Variants in HS6ST3 observed in about 807,000 individuals in gnomAD.
HS6ST3 encodes the protein heparan-sulfate 6-O-sulfotransferase 3.
A neutral mutation model predicts 36.7 loss-of-function variants in HS6ST3; 12 were observed. That is an observed-to-expected ratio of 0.33 (90% CI 0.21 to 0.53). The LOEUF is 0.53. Among genes scored for constraint, HS6ST3 ranks in the 20% least tolerant of loss-of-function variants. The pLI is 0.95. For missense variants in HS6ST3, 584 were observed against 640.9 expected (o/e 0.91, Z 0.96); for synonymous variants, 240 against 257.5 (o/e 0.93, Z 0.65).
intron 1 of HS6ST3, among the ~76,000 whole-genome samples, chr13:96,125,385 C>G (rs2053945571): frequency 6.6e-6 from 1 of 152,132 alleles, no homozygotes; most frequent in Non-Finnish European, 1.5e-5. Flanking sequence ...AAACTTTTAA[C>G]TGGCACAAAA....
chr13:96,124,090 AT>A (rs1052866198), intron 1 of HS6ST3, among the ~76,000 whole-genome samples: 5 of 152,180 alleles, frequency 3.3e-5, no homozygotes, highest in African/African-American at 1.2e-4. Flanking sequence ...TAGCGCTCAT[AT>A]TTTTTCATAT....
At chr13:96,351,495 A>G (rs1208718909) in intron 1 of HS6ST3, among the ~76,000 whole-genome samples, 2 of 151,998 alleles carry the variant, frequency 1.3e-5, no homozygotes, top group Non-Finnish European at 2.9e-5. Flanking sequence ...TATGTTTTGT[A>G]GAGACAGGGT....
At position 96,272,794 on chromosome 13, in the gene HS6ST3, A is replaced by G. The variant is rs142645563; in HGVS notation, c.707+181225A>G. Among the ~76,000 whole-genome samples the G allele has an allele frequency of 1.8e-4, 27 of 152,064 alleles. No homozygotes were observed. In the South Asian group the frequency reaches 2.3e-3, roughly 13 times the overall value. On this transcript the variant is annotated intron_variant, in intron 1 of 1. Transcript: ENST00000376705. ...TTAGTAGGTCTTACCAGGTGAGTGA[A>G]CCATACCTTGGGGATATTAACTCTG...
At chr13:96,676,229 G>C (rs1273128228) in intron 1 of HS6ST3, among the ~76,000 whole-genome samples, 1 of 152,052 alleles carries the variant, frequency 6.6e-6, no homozygotes. Context: ...CTCTCTCCTT[G>C]GTGTGTAGAT....
chr13:96,471,437 T>C (rs1306427591), intron 1 of HS6ST3, among the ~76,000 whole-genome samples: 1 of 152,124 alleles, frequency 6.6e-6, no homozygotes, highest in Non-Finnish European at 1.5e-5. Flanking sequence ...GGTTGCACCT[T>C]GAGGGTGTTA....
At chr13:96,406,958 A>G (rs1411799439) in intron 1 of HS6ST3, among the ~76,000 whole-genome samples, 1 of 152,192 alleles carries the variant, frequency 6.6e-6, no homozygotes, top group Non-Finnish European at 1.5e-5. Flanking sequence ...TTTGGAATAT[A>G]ATTTAATGTT....
Position 96,838,575 on chromosome 13 carries a change from G to A in HS6ST3, c.*5377G>A, listed in dbSNP as rs531941344. On this transcript the variant is annotated 3_prime_UTR_variant, in exon 2 of 2. Coordinates refer to ENST00000376705, the MANE Select transcript of HS6ST3 (RefSeq NM_153456.4). ...TTTGTGCCATCTGAGGAGCATGCGAGGGTTCTTTCTCCAAGGCACTTTCGG... is the reference window on the plus strand; with the variant it reads ...TTTGTGCCATCTGAGGAGCATGCGAAGGTTCTTTCTCCAAGGCACTTTCGG... The A allele has an allele frequency of 6.6e-6, 1 of 152,528 alleles. No homozygotes were observed. Among genetic ancestry groups the A allele is most frequent in the Admixed American group, 6.5e-5 (1 of 15,300 alleles). 9.4% of individuals were successfully genotyped at this position (152,528 alleles called of 1,614,324 possible). A position where few individuals can be genotyped will look rare whatever the true frequency, so the allele number is the denominator to read the frequency against.
chr13:96,292,661 A>G (rs2054835949), intron 1 of HS6ST3, among the ~76,000 whole-genome samples: 1 of 152,112 alleles, frequency 6.6e-6, no homozygotes, highest in Admixed American at 6.6e-5. Context: ...CCAGGTACTA[A>G]TAGGCACTGG....
chr13:96,366,337 A>G (rs1042566212), intron 1 of HS6ST3, among the ~76,000 whole-genome samples: 1 of 152,158 alleles, frequency 6.6e-6, no homozygotes. Flanking sequence ...GCTGAGCGTG[A>G]TGGCATGCAC....
chr13:96,534,251 C>T (rs1197464118), intron 1 of HS6ST3, among the ~76,000 whole-genome samples: 2 of 152,170 alleles, frequency 1.3e-5, no homozygotes, highest in Admixed American at 1.3e-4. Flanking sequence ...CAAATGGATG[C>T]TCATGGAACT....
At chr13:96,100,132 CAGAA>C (rs2053810801) in intron 1 of HS6ST3, among the ~76,000 whole-genome samples, 1 of 150,460 alleles carries the variant, frequency 6.6e-6, no homozygotes, top group Non-Finnish European at 1.5e-5. Flanking sequence ...ATAACTGAAT[CAGAA>C]AGAAGGTAAT....
chr13:96,670,862 G>A (rs1318528275), intron 1 of HS6ST3, among the ~76,000 whole-genome samples: 1 of 152,096 alleles, frequency 6.6e-6, no homozygotes, highest in Non-Finnish European at 1.5e-5. Flanking sequence ...CAGAGGTCCT[G>A]CAAGTGCTTT....
At chr13:96,389,407 C>A (rs1344475105) in intron 1 of HS6ST3, among the ~76,000 whole-genome samples, 4 of 151,924 alleles carry the variant, frequency 2.6e-5, no homozygotes, top group African/African-American at 7.3e-5. Flanking sequence ...AATAAAAAAA[C>A]CTCATAGGTT....
intron 1 of HS6ST3, among the ~76,000 whole-genome samples, chr13:96,447,199 T>A (rs2139483563): frequency 6.6e-6 from 1 of 152,238 alleles, no homozygotes; most frequent in East Asian, 1.9e-4. Flanking sequence ...GAGGCAAAGC[T>A]CACTGGCATA....
intron 1 of HS6ST3, among the ~76,000 whole-genome samples, chr13:96,454,800 A>G (rs1409100394): frequency 2.0e-5 from 3 of 151,788 alleles, no homozygotes; most frequent in African/African-American, 7.3e-5. Flanking sequence ...GAGTCTAAAA[A>G]CTGATTATGT....
intron 1 of HS6ST3, among the ~76,000 whole-genome samples, chr13:96,147,310 C>A (rs190404409): frequency 1.3e-5 from 2 of 152,266 alleles, no homozygotes; most frequent in African/African-American, 2.4e-5. Flanking sequence ...CAAATCACAG[C>A]TAACTTGCCC....
At chr13:96,650,863 A>C (rs1048244373) in intron 1 of HS6ST3, among the ~76,000 whole-genome samples, 1 of 152,062 alleles carries the variant, frequency 6.6e-6, no homozygotes, top group Non-Finnish European at 1.5e-5. Context: ...CCTTCCATTC[A>C]TTCTGTCCAT....
At chr13:96,501,537 G>A (rs1211445065) in intron 1 of HS6ST3, among the ~76,000 whole-genome samples, 2 of 152,074 alleles carry the variant, frequency 1.3e-5, no homozygotes, top group African/African-American at 4.8e-5. Context: ...TACTTCATAG[G>A]GCAGTTGTGA....
chr13:96,538,200 A>G (rs1045945089), intron 1 of HS6ST3, among the ~76,000 whole-genome samples: 3 of 152,248 alleles, frequency 2.0e-5, no homozygotes, highest in African/African-American at 7.2e-5. Context: ...CTCCAAATAA[A>G]TAATGTGATT....
Sources: allele counts gnomAD v4.1 joint callset (sites outside exome capture counted in the v4.1 genomes callset), GRCh38; gene constraint gnomAD v4.1.1; transcripts MANE v1.5; gene names NCBI Gene and HGNC (gene_info 2026-07-23, HGNC 2026-07-21).